The following COL23A1 variants were observed in gnomAD, a reference collection of about 807,000 sequenced individuals.
COL23A1 encodes collagen type XXIII alpha 1 chain.
In COL23A1, 97 loss-of-function variants were observed where a neutral mutation model predicts 99.3. The observed-to-expected ratio is 0.98, with a 90% CI of 0.83 to 1.16. COL23A1 has a LOEUF of 1.16. Ranked by LOEUF, COL23A1 falls within the 50% of genes most tolerant of loss-of-function variation. The pLI, the probability that COL23A1 is intolerant of heterozygous loss-of-function variation, is 0.00. For synonymous variants in COL23A1, 320 were observed against 308.2 expected (o/e 1.04, Z -0.40); for missense variants, 762 against 757.4 (o/e 1.01, Z -0.07).
In COL23A1 at chr5:178,366,760, T is replaced by C. The variant is rs2910111; in HGVS notation, c.362-59841A>G. Among the ~76,000 whole-genome samples the C allele has an allele frequency of 0.16, 24,107 of 152,206 alleles. 2,682 individuals carry two copies. The highest frequency in any genetic ancestry group is 0.4 in the East Asian group (2,037 of 5,152). ...TCCTCCTCCGTGCCTGTGCTTCTGC[T>C]GGTCTAAATCATTATCTATTGCTGA... is the stretch of plus-strand genomic sequence containing the variant. On this transcript the variant is annotated intron_variant, in intron 2 of 28. Coordinates refer to ENST00000390654, the MANE Select transcript of COL23A1 (RefSeq NM_173465.4). The surrounding 1 kb of genome is among the most constrained non-coding windows in gnomAD (Gnocchi z 4.4).
chr5:178,500,400 C>T (rs964352907), intron 2 of COL23A1, among the ~76,000 whole-genome samples: 6 of 69,124 alleles, frequency 8.7e-5, no homozygotes, highest in African/African-American at 3.7e-4. Flanking sequence ...CCAGCTTAGG[C>T]AACAAAGCAA....
At position 178,242,365 on chromosome 5, in the gene COL23A1, A is replaced by C; in HGVS notation, c.1470T>G (p.Gly490=). Residue 490 remains glycine, a synonymous_variant, in exon 26 of 29, where the codon GGT becomes GGG. Transcript: ENST00000390654. ...DGFPGPRGEK[G]DRSERGEKGE... ...CCTTCTCTCCACGCTCGCTCCGATC[A>C]CCTTTCTCTCCTCGGGGTCCAGGGA... 1.2e-6 allele frequency: 2 copies of C among 1,613,864 alleles called. No individual in the cohort carries two copies. Among genetic ancestry groups the C allele is most frequent in the South Asian group, 2.2e-5 (2 of 91,072 alleles).
chr5:178,563,287 A>G (rs943992365), intron 1 of COL23A1, among the ~76,000 whole-genome samples: 1 of 152,040 alleles, frequency 6.6e-6, no homozygotes, highest in African/African-American at 2.4e-5. Flanking sequence ...GACCCTTGTG[A>G]GCAGCCTGGG....
intron 5 of COL23A1, among the ~76,000 whole-genome samples, chr5:178,279,731 G>A (rs1439483608): frequency 1.3e-5 from 2 of 152,106 alleles, no homozygotes; most frequent in Admixed American, 1.3e-4. Context: ...TTACCATCCC[G>A]GCCCATCTTG....
chr5:178,357,100 C>G (rs1421024505), intron 2 of COL23A1, among the ~76,000 whole-genome samples: 3 of 152,232 alleles, frequency 2.0e-5, no homozygotes, highest in Non-Finnish European at 4.4e-5. Context: ...TCCCTTTACT[C>G]GATGCTGTTC....
rs552123725 is a variant in COL23A1, at chr5:178,519,247, G to A, written c.361+41435C>T. Among the ~76,000 whole-genome samples the A allele has an allele frequency of 3.3e-5, 5 of 152,344 alleles. No individual in the cohort carries two copies. In the South Asian group the frequency reaches 8.3e-4, roughly 25 times the overall value. On this transcript the variant is annotated intron_variant, in intron 2 of 28. Coordinates refer to ENST00000390654, the MANE Select transcript of COL23A1 (RefSeq NM_173465.4). ...GTAGATGAGGAAACTGTGGGCTCAG[G>A]GGCAGAACGTTGTCAGCACAGAGCC...
At chr5:178,469,051 A>C (rs1487766094) in intron 2 of COL23A1, among the ~76,000 whole-genome samples, 1 of 152,176 alleles carries the variant, frequency 6.6e-6, no homozygotes, top group African/African-American at 2.4e-5. Flanking sequence ...CATGTCCTCA[A>C]GGTCCGTCCA....
intron 2 of COL23A1, among the ~76,000 whole-genome samples, chr5:178,514,445 A>G (rs1481670648): frequency 6.6e-6 from 1 of 152,240 alleles, no homozygotes; most frequent in African/African-American, 2.4e-5. Flanking sequence ...TTGCTGGATC[A>G]TATGATAGTT....
chr5:178,327,003 C>T (rs544042706), intron 2 of COL23A1, among the ~76,000 whole-genome samples: 28 of 152,386 alleles, frequency 1.8e-4, no homozygotes, highest in Admixed American at 1.0e-3. Context: ...CAGGCGTGAG[C>T]CACTGCACCG....
Position 178,239,209 on chromosome 5 carries a change from G to A in COL23A1, c.1582-30C>T, listed in dbSNP as rs779180586. On this transcript the variant is annotated intron_variant, in intron 27 of 28. Transcript: ENST00000390654. ...AAAGGAAGAAGGTTTCAGTGATGGGGATGGGGCCTGGGGAGCTCCTCTACA... is the reference window on the plus strand; with the variant it reads ...AAAGGAAGAAGGTTTCAGTGATGGGAATGGGGCCTGGGGAGCTCCTCTACA... 6 of 1,613,680 alleles carry A rather than the reference G, an allele frequency of 3.7e-6. No homozygotes were observed. In the South Asian group the frequency reaches 6.6e-5, roughly 18 times the overall value.
intron 5 of COL23A1, among the ~76,000 whole-genome samples, chr5:178,270,633 G>A (rs1756237249): frequency 6.6e-6 from 1 of 152,180 alleles, no homozygotes; most frequent in South Asian, 2.1e-4. Flanking sequence ...GGCTGCTGGG[G>A]TGGGCATGTG....
At chr5:178,270,445 A>C in intron 5 of COL23A1, 82 bp from the exon 6 acceptor site, 3 of 1,542,638 alleles carry the variant, frequency 1.9e-6, no homozygotes, top group Middle Eastern at 1.7e-4. Context: ...TGCACTATTC[A>C]GTGACAAGAA....
At chr5:178,543,422 T>C (rs930901330) in intron 2 of COL23A1, among the ~76,000 whole-genome samples, 2 of 152,146 alleles carry the variant, frequency 1.3e-5, no homozygotes, top group African/African-American at 4.8e-5. Flanking sequence ...TTGGTTTTTA[T>C]AACAGTCCTT....
intron 2 of COL23A1, among the ~76,000 whole-genome samples, chr5:178,437,116 T>G (rs1465399662): frequency 6.6e-6 from 1 of 152,172 alleles, no homozygotes; most frequent in Non-Finnish European, 1.5e-5. Context: ...TTTTATCTAA[T>G]TCCTGGTGGG....
At chr5:178,440,619 T>TC (rs1242016918) in intron 2 of COL23A1, among the ~76,000 whole-genome samples, 2 of 151,584 alleles carry the variant, frequency 1.3e-5, no homozygotes, top group Non-Finnish European at 2.9e-5. Flanking sequence ...CATCTTTCTT[T>TC]TTTTTTTTTT....
rs369017036 is a variant in COL23A1 at position 178,373,213 on chromosome 5, C to T, written c.362-66294G>A. 2.6e-5 allele frequency among the ~76,000 whole-genome samples: 4 copies of T among 152,310 alleles called. No individual in the cohort carries two copies. In the East Asian group the frequency reaches 7.7e-4, roughly 29 times the overall value. On this transcript the variant is annotated intron_variant, in intron 2 of 28. Coordinates refer to ENST00000390654, the MANE Select transcript of COL23A1 (RefSeq NM_173465.4). Reference sequence around the variant, plus strand: ...CTGGCCTTGTGCCCTTGGACCCCCACTGGGTTTGGTGCCTCTCCTGGCCTT... The same window carrying T: ...CTGGCCTTGTGCCCTTGGACCCCCATTGGGTTTGGTGCCTCTCCTGGCCTT...
intron 2 of COL23A1, among the ~76,000 whole-genome samples, chr5:178,554,370 G>A (rs1031158967): frequency 6.6e-6 from 1 of 152,042 alleles, no homozygotes; most frequent in Non-Finnish European, 1.5e-5. Flanking sequence ...GTAGAGACGG[G>A]GTTTCGCCAT....
chr5:178,379,550 T>A (rs1763261442), intron 2 of COL23A1, among the ~76,000 whole-genome samples: 1 of 152,174 alleles, frequency 6.6e-6, no homozygotes, highest in African/African-American at 2.4e-5. Context: ...AATTCATGTA[T>A]TACCCCTGTA....
intron 2 of COL23A1, among the ~76,000 whole-genome samples, chr5:178,534,673 G>A (rs1257147078): frequency 6.6e-6 from 1 of 152,106 alleles, no homozygotes; most frequent in Non-Finnish European, 1.5e-5. Context: ...CAGCTACTCG[G>A]TAGGTTGAAG....
Sources: allele counts gnomAD v4.1 joint callset (sites outside exome capture counted in the v4.1 genomes callset), GRCh38; gene constraint gnomAD v4.1.1; non-coding constraint Gnocchi (gnomAD v3.1); transcripts MANE v1.5; gene names NCBI Gene and HGNC (gene_info 2026-07-23, HGNC 2026-07-21).